Variants in QTMAN observed in about 807,000 individuals in gnomAD.
QTMAN encodes tRNA-queuosine alpha-mannosyltransferase.
the QTMAN span, among the ~76,000 whole-genome samples, chr2:144,191,776 T>C: frequency 3.9e-5 from 6 of 152,162 alleles, no homozygotes; most frequent in African/African-American, 1.4e-4. Context: ...AAATATAAAA[T>C]ACCAAAATAA....
the QTMAN span, among the ~76,000 whole-genome samples, chr2:144,040,350 CTTGAG>C: frequency 5.3e-5 from 8 of 152,016 alleles, no homozygotes; most frequent in South Asian, 2.1e-4. Context: ...CTTGCTTCTG[CTTGAG>C]TTAACTTGTG....
At chr2:144,001,201 T>C in the QTMAN span, among the ~76,000 whole-genome samples, 5 of 151,956 alleles carry the variant, frequency 3.3e-5, no homozygotes, top group African/African-American at 1.2e-4. Flanking sequence ...AGTCAAAGGG[T>C]GAAACAGAGT....
At chr2:144,099,916 A>G in the QTMAN span, among the ~76,000 whole-genome samples, 2 of 152,246 alleles carry the variant, frequency 1.3e-5, no homozygotes, top group South Asian at 4.1e-4. Context: ...AACATGGTAT[A>G]CAAGTGTAAG....
At chr2:143,963,201 T>C in the QTMAN span, among the ~76,000 whole-genome samples, 3 of 152,152 alleles carry the variant, frequency 2.0e-5, no homozygotes, top group Admixed American at 6.6e-5. Context: ...AAATGAGATA[T>C]CAGAGTAAAA....
chr2:144,163,136 A>T, the QTMAN span, among the ~76,000 whole-genome samples: 1 of 152,162 alleles, frequency 6.6e-6, no homozygotes, highest in Non-Finnish European at 1.5e-5. Context: ...CTAAAGTACA[A>T]AATTATAAAT....
the QTMAN span, among the ~76,000 whole-genome samples, chr2:144,262,464 AGAGGCT>A: frequency 6.6e-6 from 1 of 150,790 alleles, no homozygotes; most frequent in Non-Finnish European, 1.5e-5. Context: ...CAGCTACTCA[AGAGGCT>A]GAGGCAGGAG....
At chr2:144,093,486 CAAGT>C in the QTMAN span, among the ~76,000 whole-genome samples, 1 of 152,116 alleles carries the variant, frequency 6.6e-6, no homozygotes, top group Non-Finnish European at 1.5e-5. Context: ...TAAGTGCAAC[CAAGT>C]AATAACTAAA....
At chr2:144,329,776 CTGAG>C in the QTMAN span, among the ~76,000 whole-genome samples, 1 of 152,148 alleles carries the variant, frequency 6.6e-6, no homozygotes, top group Non-Finnish European at 1.5e-5. Context: ...AAAAAAGGAA[CTGAG>C]TTAGTTCAAG....
the QTMAN span, among the ~76,000 whole-genome samples, chr2:143,978,468 T>G: frequency 3.3e-5 from 5 of 152,230 alleles, no homozygotes; most frequent in Non-Finnish European, 7.4e-5. Flanking sequence ...TTTTCAGCAG[T>G]GATTTCCAAT....
At chr2:144,136,103 A>T in the QTMAN span, among the ~76,000 whole-genome samples, 1 of 152,046 alleles carries the variant, frequency 6.6e-6, no homozygotes, top group Non-Finnish European at 1.5e-5. Flanking sequence ...AGGTGGGCAG[A>T]CTGCTTGAGC....
the QTMAN span, among the ~76,000 whole-genome samples, chr2:144,283,829 C>G: frequency 6.6e-6 from 1 of 151,830 alleles, no homozygotes; most frequent in African/African-American, 2.4e-5. Flanking sequence ...ATAACTGTAC[C>G]ATGCAGGTTA....
At chr2:144,038,944 A>G in the QTMAN span, among the ~76,000 whole-genome samples, 1 of 152,158 alleles carries the variant, frequency 6.6e-6, no homozygotes, top group East Asian at 1.9e-4. Context: ...GCTTTTATGT[A>G]CATTTTGTGA....
At chr2:144,236,213 T>C in the QTMAN span, among the ~76,000 whole-genome samples, 1 of 152,066 alleles carries the variant, frequency 6.6e-6, no homozygotes, top group Admixed American at 6.6e-5. Flanking sequence ...TTGGAATGCA[T>C]ATGGATGAGC....
the QTMAN span, among the ~76,000 whole-genome samples, chr2:144,274,512 T>G: frequency 1.3e-5 from 2 of 152,074 alleles, no homozygotes; most frequent in Admixed American, 6.5e-5. Context: ...GTTGATTGAG[T>G]TGATCACCAA....
the QTMAN span, among the ~76,000 whole-genome samples, chr2:144,250,220 C>T: frequency 6.6e-6 from 1 of 151,742 alleles, no homozygotes; most frequent in Non-Finnish European, 1.5e-5. Context: ...CTTGGCTCAC[C>T]GCAGCCTCCA....
the QTMAN span, among the ~76,000 whole-genome samples, chr2:144,131,490 T>G: frequency 6.6e-6 from 1 of 151,900 alleles, no homozygotes; most frequent in Non-Finnish European, 1.5e-5. Context: ...CCATCAATAT[T>G]CTACTCATGG....
the QTMAN span, among the ~76,000 whole-genome samples, chr2:143,983,865 G>A: frequency 2.6e-5 from 4 of 152,184 alleles, no homozygotes; most frequent in South Asian, 2.1e-4. Flanking sequence ...TCAGTAAATC[G>A]CCATTTTTAT....
chr2:144,254,295 G>T, the QTMAN span, among the ~76,000 whole-genome samples: 26 of 152,122 alleles, frequency 1.7e-4, no homozygotes, highest in Non-Finnish European at 3.1e-4. Flanking sequence ...GGTTGTGGGC[G>T]CCTGTAATCC....
At chr2:143,968,720 T>C in the QTMAN span, among the ~76,000 whole-genome samples, 3 of 152,294 alleles carry the variant, frequency 2.0e-5, no homozygotes, top group Admixed American at 6.5e-5. Flanking sequence ...ACTGAACTTA[T>C]GAGCTTTGCA....
Sources: allele counts gnomAD v4.1 joint callset (sites outside exome capture counted in the v4.1 genomes callset), GRCh38; gene constraint gnomAD v4.1.1; transcripts MANE v1.5; gene names NCBI Gene and HGNC (gene_info 2026-07-23, HGNC 2026-07-21).